Variants in FHDC1 observed in about 807,000 individuals in gnomAD.
The protein encoded by FHDC1 is FH2 domain containing 1.
In FHDC1, 25 loss-of-function variants were observed where a neutral mutation model predicts 52.6. The ratio of observed to expected loss-of-function variants is 0.48; its 90% CI spans 0.35 to 0.66. FHDC1 has a LOEUF of 0.66. FHDC1 is among the 30% of genes least tolerant of loss of function. FHDC1 has a pLI of 0.01. For missense variants in FHDC1, 1,459 were observed against 1,452.8 expected, an observed-to-expected ratio of 1.00 and a Z score of -0.07; for synonymous variants, 616 against 581.5, an observed-to-expected ratio of 1.06 and a Z score of -0.85.
At chr4:152,945,287 C>T (rs888380565) in intron 2 of FHDC1, among the ~76,000 whole-genome samples, 3 of 152,080 alleles carry the variant, frequency 2.0e-5, no homozygotes, top group African/African-American at 4.8e-5. Flanking sequence ...ATCTGAAATT[C>T]AGGGAAAAAA....
chr4:152,926,253 G>T, the FHDC1 span, among the ~76,000 whole-genome samples: 1 of 115,472 alleles, frequency 8.7e-6, no homozygotes, highest in African/African-American at 3.2e-5. Context: ...AAACATGAAG[G>T]CCTTTAAAAT....
At chr4:152,936,881 C>T (rs62320602) in intron 1 of FHDC1, among the ~76,000 whole-genome samples, 6,500 of 152,376 alleles carry the variant, frequency 0.043, 174 homozygotes, top group South Asian at 0.11. Flanking sequence ...GTTCCCTAGC[C>T]AGCCGGGGGC....
the FHDC1 span, among the ~76,000 whole-genome samples, chr4:152,913,535 A>G: frequency 1.3e-5 from 2 of 152,198 alleles, no homozygotes; most frequent in African/African-American, 4.8e-5. Context: ...TTCAAGTATA[A>G]TTTATGCTAA....
Position 152,972,461 on chromosome 4 carries a change from G to T in FHDC1, c.1303G>T (p.Glu435Ter), listed in dbSNP as rs1447683177. ...EAYTLIDFFC[E>*]DKKTMKLDEC... Reference sequence around the variant, plus strand: ...CTACACCCTTATAGATTTTTTCTGTGAAGACAAAAAAACCATGAAACTGGA... The same window carrying T: ...CTACACCCTTATAGATTTTTTCTGTTAAGACAAAAAAACCATGAAACTGGA... Residue 435 changes from glutamate (E) to a stop codon, truncating the protein, a stop_gained, in exon 11 of 12, where the codon GAA becomes TAA. Coordinates refer to ENST00000511601, the MANE Select transcript of FHDC1 (RefSeq NM_001371116.1). LOFTEE classifies it high-confidence loss of function. 6.2e-7 allele frequency: 1 copy of T among 1,613,546 alleles called. No individual in the cohort carries two copies. Among genetic ancestry groups the T allele is most frequent in the Admixed American group, 1.7e-5 (1 of 59,902 alleles).
intron 11 of FHDC1, among the ~76,000 whole-genome samples, chr4:152,973,687 C>T (rs1014405902): frequency 1.3e-5 from 2 of 152,238 alleles, no homozygotes; most frequent in African/African-American, 2.4e-5. Context: ...CAAGAGTCCC[C>T]GGCTAGAGCC....
At position 152,966,414 on chromosome 4, in the gene FHDC1, C is replaced by T. The variant is rs576496952; in HGVS notation, c.1100+1439C>T. On this transcript the variant is annotated intron_variant, in intron 9 of 11. Coordinates refer to ENST00000511601, the MANE Select transcript of FHDC1 (RefSeq NM_001371116.1). ...TGAATTTCACATGCATTTTAGGTTT[C>T]GCCTACTCAGTTTTCTGGGTAACAA... Among the ~76,000 whole-genome samples the T allele has an allele frequency of 2.6e-5, 4 of 152,260 alleles. No homozygotes were observed. In the East Asian group the frequency reaches 5.8e-4, roughly 22 times the overall value.
At chr4:152,958,478 AC>A (rs1291223889) in intron 4 of FHDC1, among the ~76,000 whole-genome samples, 1 of 148,642 alleles carries the variant, frequency 6.7e-6, no homozygotes, top group Non-Finnish European at 1.5e-5. Flanking sequence ...TCTTTCCATC[AC>A]CCTTCTCTTG....
intron 10 of FHDC1, among the ~76,000 whole-genome samples, chr4:152,968,519 C>T (rs569615007): frequency 4.7e-4 from 71 of 152,142 alleles, no homozygotes; most frequent in African/African-American, 1.7e-3. Flanking sequence ...AGTAGAGACG[C>T]GGTTTTGCCA....
In FHDC1 at chr4:152,955,097, C is replaced by CT. The variant is rs201458588; in HGVS notation, c.663+785dup. ...CCCAGGTTATTTTATAATCCATATA[C>CT]TTTTTTTAAAAAAAAAGATGAAAAC... On this transcript the variant is annotated intron_variant, in intron 4 of 11. Transcript: ENST00000511601. Among the ~76,000 whole-genome samples the CT allele has an allele frequency of 2.1e-3, 320 of 151,666 alleles. 8 individuals carry two copies. Among genetic ancestry groups the CT allele is most frequent in the Non-Finnish European group, 4.3e-4 (29 of 67,938 alleles).
intron 8 of FHDC1, among the ~76,000 whole-genome samples, chr4:152,963,604 G>T (rs1050630690): frequency 1.3e-5 from 2 of 151,774 alleles, no homozygotes; most frequent in Non-Finnish European, 2.9e-5. Context: ...ATGGTCATAG[G>T]GACAGAGAAT....
At chr4:152,943,584 T>A in intron 2 of FHDC1, 29 bp downstream of exon 2, 1 of 1,585,288 alleles carries the variant, frequency 6.3e-7, no homozygotes, top group Non-Finnish European at 8.6e-7. Context: ...GGGCTAATCC[T>A]CCACACACTG....
chr4:152,940,494 G>A (rs1204003858), intron 1 of FHDC1, among the ~76,000 whole-genome samples: 3 of 152,172 alleles, frequency 2.0e-5, no homozygotes, highest in Admixed American at 6.5e-5. Flanking sequence ...ACTAAAACAC[G>A]CACCTTTCTG....
At chr4:152,914,969 G>GA in the FHDC1 span, among the ~76,000 whole-genome samples, 1 of 151,284 alleles carries the variant, frequency 6.6e-6, no homozygotes, top group East Asian at 1.9e-4. Context: ...CAGCCTTCCT[G>GA]AAAAGTTTTT....
chr4:152,976,929 A>G lies in FHDC1; in HGVS notation c.*206A>G. ...AGCCCTGCTGCAGTCCAGCGTCCAG[A>G]TGGATGCACGTTCACTACTGTGACG... is the stretch of plus-strand genomic sequence containing the variant. On this transcript the variant is annotated 3_prime_UTR_variant, in exon 12 of 12. Transcript: ENST00000511601. 1.9e-6 allele frequency: 1 copy of G among 516,702 alleles called. No individual in the cohort carries two copies. Among genetic ancestry groups the G allele is most frequent in the East Asian group, 3.2e-5 (1 of 31,014 alleles). The allele number at this position is 516,702 out of a possible 1,614,324, so 32.0% of individuals were successfully genotyped here. A position where few individuals can be genotyped will look rare whatever the true frequency, so the allele number is the denominator to read the frequency against.
intron 11 of FHDC1, 49 bp downstream of exon 11, chr4:152,972,590 C>T: frequency 6.4e-7 from 1 of 1,555,936 alleles, no homozygotes; most frequent in South Asian, 1.2e-5. Flanking sequence ...TTTTTATTTT[C>T]CTTCTTCTCG....
chr4:152,943,220 C>G lies in FHDC1; in HGVS notation c.163C>G (p.Pro55Ala). 1 of 1,607,458 alleles carries G rather than the reference C, an allele frequency of 6.2e-7. No individual in the cohort carries two copies. Residue 55 changes from proline (P) to alanine (A), a missense_variant, in exon 2 of 12, where the codon CCT becomes GCT. Coordinates refer to ENST00000511601, the MANE Select transcript of FHDC1 (RefSeq NM_001371116.1). Reference protein sequence around the residue: ...PPCSCSREECPSSPPPPPPPP... With the variant: ...PPCSCSREECASSPPPPPPPP... ...ATGTTCATGTTCAAGGGAAGAGTGTCCTTCCTCCCCTCCTCCACCCCCACC... is the reference window on the plus strand; with the variant it reads ...ATGTTCATGTTCAAGGGAAGAGTGTGCTTCCTCCCCTCCTCCACCCCCACC...
chr4:152,921,748 C>A, the FHDC1 span, among the ~76,000 whole-genome samples: 2 of 152,038 alleles, frequency 1.3e-5, no homozygotes, highest in Non-Finnish European at 2.9e-5. Flanking sequence ...GCATTCATAG[C>A]TTTATAACCC....
chr4:152,922,949 A>C, the FHDC1 span, among the ~76,000 whole-genome samples: 1 of 152,142 alleles, frequency 6.6e-6, no homozygotes, highest in African/African-American at 2.4e-5. Context: ...AACTGGCACA[A>C]GACAGGGATG....
At chr4:152,949,124 T>TAAGAAGAAGAAGAAGAAGAAGAAG (rs201070214) in intron 2 of FHDC1, among the ~76,000 whole-genome samples, 9 of 74,700 alleles carry the variant, frequency 1.2e-4, no homozygotes, top group Admixed American at 1.8e-4. Context: ...ATAATAATAA[T>TAAGAAGAAGAAGAAGAAGAAGAAG]AAGAAGAAGA....
Sources: gnomAD v4.1 joint callset for allele counts (sites outside exome capture counted in the v4.1 genomes callset) on GRCh38, gnomAD v4.1.1 for gene constraint, MANE v1.5 for transcripts, NCBI Gene and HGNC (gene_info 2026-07-23, HGNC 2026-07-21) for gene names.